The following RBFOX1 variants were observed in gnomAD, a reference collection of about 807,000 sequenced individuals.
The protein encoded by RBFOX1 is RNA binding fox-1 homolog 1.
A neutral mutation model predicts 57.7 loss-of-function variants in RBFOX1; 8 were observed. That is an observed-to-expected ratio of 0.14 (90% CI 0.08 to 0.25). RBFOX1 has a LOEUF of 0.25. Among genes scored for constraint, RBFOX1 ranks in the 10% least tolerant of loss-of-function variants. The probability of loss-of-function intolerance (pLI) is 1.00; values close to 1 mark genes in which losing one functional copy is unlikely to be tolerated. For missense variants in RBFOX1, 611 were observed against 548.5 expected (o/e 1.11, Z -1.14); for synonymous variants, 326 against 222.4 (o/e 1.47, Z -4.15).
intron 2 of RBFOX1, among the ~76,000 whole-genome samples, chr16:6,606,134 A>G (rs1486298278): frequency 1.3e-5 from 2 of 152,042 alleles, no homozygotes; most frequent in African/African-American, 4.8e-5. Context: ...AGAAATATAC[A>G]TCTTATAATG....
At chr16:6,001,716 A>C (rs1287179500) in intron 4 of RBFOX1, among the ~76,000 whole-genome samples, 1 of 152,230 alleles carries the variant, frequency 6.6e-6, no homozygotes, top group Non-Finnish European at 1.5e-5. Context: ...TTAAATAAGG[A>C]AATAGTTTCA....
At chr16:6,612,890 C>G (rs1009119059) in intron 2 of RBFOX1, among the ~76,000 whole-genome samples, 1 of 142,646 alleles carries the variant, frequency 7.0e-6, no homozygotes, top group East Asian at 2.0e-4. Flanking sequence ...TTTGTTTGTT[C>G]CAGAGGGCTG....
chr16:6,820,399 A>T (rs945241108), intron 3 of RBFOX1, among the ~76,000 whole-genome samples: 6 of 152,210 alleles, frequency 3.9e-5, no homozygotes, highest in African/African-American at 1.4e-4. Context: ...AGTGGCTCCT[A>T]TAATCCCAGC....
At chr16:5,325,163 C>T (rs990496078) in intron 1 of RBFOX1, among the ~76,000 whole-genome samples, 3 of 152,158 alleles carry the variant, frequency 2.0e-5, no homozygotes, top group Non-Finnish European at 2.9e-5. Context: ...CTTTCTCTCC[C>T]TCCTGTGTGC....
At chr16:6,930,077 A>T (rs1016609941) in intron 3 of RBFOX1, among the ~76,000 whole-genome samples, 2 of 152,188 alleles carry the variant, frequency 1.3e-5, no homozygotes, top group Admixed American at 6.5e-5. Flanking sequence ...CCTGCTGGTT[A>T]TGCTGGTTTA....
chr16:7,434,983 G>A (rs764586798), intron 4 of RBFOX1, among the ~76,000 whole-genome samples: 10 of 152,040 alleles, frequency 6.6e-5, no homozygotes, highest in African/African-American at 2.2e-4. Context: ...TCAGTGATCC[G>A]CCTGCCTTGG....
intron 10 of RBFOX1, among the ~76,000 whole-genome samples, chr16:7,619,592 C>G (rs10492763): frequency 0.098 from 14,921 of 152,126 alleles, 1,099 homozygotes; most frequent in African/African-American, 0.2. Context: ...TGTAATAGTA[C>G]TTGAAATATG....
intron 3 of RBFOX1, among the ~76,000 whole-genome samples, chr16:5,689,209 C>A (rs1231265314): frequency 1.3e-5 from 2 of 152,152 alleles, no homozygotes; most frequent in Non-Finnish European, 2.9e-5. Flanking sequence ...GTATGGCACT[C>A]ATTAAGGATT....
chr16:5,837,382 A>G (rs532315822), intron 3 of RBFOX1, among the ~76,000 whole-genome samples: 1 of 152,134 alleles, frequency 6.6e-6, no homozygotes, highest in African/African-American at 2.4e-5. Context: ...AAGAGATCTT[A>G]TTGGACACAT....
intron 1 of RBFOX1, among the ~76,000 whole-genome samples, chr16:6,217,216 G>T (rs1022843535): frequency 8.0e-6 from 1 of 124,444 alleles, no homozygotes; most frequent in Non-Finnish European, 1.6e-5. Flanking sequence ...GAATCTAGAA[G>T]CAAATGTTAT....
intron 3 of RBFOX1, among the ~76,000 whole-genome samples, chr16:5,754,090 G>A (rs1056617522): frequency 6.6e-6 from 1 of 152,174 alleles, no homozygotes; most frequent in Non-Finnish European, 1.5e-5. Flanking sequence ...CACTTTGTGG[G>A]AATATTAGGG....
At chr16:7,461,371 T>G (rs1023447681) in intron 4 of RBFOX1, among the ~76,000 whole-genome samples, 1 of 152,274 alleles carries the variant, frequency 6.6e-6, no homozygotes. Context: ...TTTCACCATG[T>G]TGGCCAGGAT....
At chr16:5,296,745 C>G (rs530825480) in intron 1 of RBFOX1, among the ~76,000 whole-genome samples, 103 of 151,126 alleles carry the variant, frequency 6.8e-4, no homozygotes, top group Non-Finnish European at 1.1e-3. Flanking sequence ...GTGGCGCGAT[C>G]CTGCCTCACT....
intron 2 of RBFOX1, among the ~76,000 whole-genome samples, chr16:6,637,189 A>AATATATATT (rs1464643120): frequency 1.3e-5 from 1 of 75,566 alleles, no homozygotes; most frequent in Non-Finnish European, 2.3e-5. Context: ...TATAATATAC[A>AATATATATT]ATATATATTA....
At chr16:7,669,473 G>C (rs1021861664) in intron 13 of RBFOX1, among the ~76,000 whole-genome samples, 2 of 152,148 alleles carry the variant, frequency 1.3e-5, no homozygotes, top group Non-Finnish European at 2.9e-5. Flanking sequence ...AAGAGTGAGA[G>C]GATATAGAGT....
chr16:7,659,280 T>G (rs1418144476), intron 12 of RBFOX1, among the ~76,000 whole-genome samples: 1 of 152,182 alleles, frequency 6.6e-6, no homozygotes, highest in Admixed American at 6.5e-5. Flanking sequence ...CCTTTGGAAA[T>G]GTTTTCACGT....
intron 3 of RBFOX1, among the ~76,000 whole-genome samples, chr16:6,830,567 A>C (rs998111159): frequency 5.3e-5 from 8 of 152,118 alleles, no homozygotes; most frequent in African/African-American, 1.9e-4. Context: ...GGTTTGTCAG[A>C]ATGGGGTGGG....
chr16:5,821,286 C>CTGT (rs1567586055), intron 3 of RBFOX1, among the ~76,000 whole-genome samples: 1 of 148,234 alleles, frequency 6.7e-6, no homozygotes, highest in African/African-American at 2.5e-5. Flanking sequence ...CTGTCATTCT[C>CTGT]TCTTTTTTTA....
intron 3 of RBFOX1, among the ~76,000 whole-genome samples, chr16:5,654,099 A>C (rs774109276): frequency 4.8e-4 from 73 of 152,170 alleles, no homozygotes; most frequent in Non-Finnish European, 9.3e-4. Flanking sequence ...CAGTGAGGAC[A>C]CGTCTGGGTC....
Sources: allele counts gnomAD v4.1 joint callset (sites outside exome capture counted in the v4.1 genomes callset), GRCh38; gene constraint gnomAD v4.1.1; transcripts MANE v1.5; gene names NCBI Gene and HGNC (gene_info 2026-07-23, HGNC 2026-07-21).